PAM: variants seen among roughly 807,000 people sequenced by gnomAD.
PAM encodes the protein peptidylglycine alpha-amidating monooxygenase.
A neutral mutation model predicts 122.1 loss-of-function variants in PAM; 72 were observed. The observed-to-expected ratio is 0.59, with a 90% confidence interval of 0.49 to 0.72. The LOEUF (loss-of-function observed/expected upper bound fraction) is 0.72. Among genes scored for constraint, PAM ranks in the 30% least tolerant of loss-of-function variants. The pLI is 0.00. For missense variants in PAM, 1,106 were observed against 1,183.7 expected (o/e 0.93, Z 0.96); for synonymous variants, 389 against 404.4 (o/e 0.96, Z 0.46).
At chr5:102,977,031 T>C (rs1443466134) in intron 15 of PAM, among the ~76,000 whole-genome samples, 1 of 152,154 alleles carries the variant, frequency 6.6e-6, no homozygotes, top group South Asian at 2.1e-4. Flanking sequence ...TCTAATACAA[T>C]GGTGTTTTCT....
chr5:102,767,295 G>A (rs1305099866), intron 1 of PAM, among the ~76,000 whole-genome samples: 1 of 152,084 alleles, frequency 6.6e-6, no homozygotes, highest in Non-Finnish European at 1.5e-5. Flanking sequence ...AACGGTTGAT[G>A]TTGGAGAATA....
At chr5:102,904,255 G>A (rs1056721294) in intron 4 of PAM, among the ~76,000 whole-genome samples, 3 of 151,366 alleles carry the variant, frequency 2.0e-5, no homozygotes, top group African/African-American at 4.8e-5. Context: ...TACTTTGTTC[G>A]TTCTTTTCTG....
intron 3 of PAM, among the ~76,000 whole-genome samples, chr5:102,899,052 C>G (rs1581475369): frequency 6.7e-6 from 1 of 149,554 alleles, no homozygotes; most frequent in East Asian, 2.1e-4. Context: ...CCCTTCCTTT[C>G]CCTCCCCTCC....
chr5:102,788,034 T>C (rs1761032933), intron 1 of PAM, among the ~76,000 whole-genome samples: 1 of 152,138 alleles, frequency 6.6e-6, no homozygotes, highest in Non-Finnish European at 1.5e-5. Flanking sequence ...GTAAAAATAC[T>C]TGAGGAAAGT....
intron 1 of PAM, among the ~76,000 whole-genome samples, chr5:102,769,865 A>AT (rs1003115271): frequency 2.0e-5 from 3 of 151,584 alleles, no homozygotes; most frequent in South Asian, 2.1e-4. Flanking sequence ...AAATCTTAGG[A>AT]TTTTTTTTCT....
intron 1 of PAM, among the ~76,000 whole-genome samples, chr5:102,803,497 C>T (rs532374273): frequency 1.3e-5 from 2 of 152,192 alleles, no homozygotes; most frequent in South Asian, 4.2e-4. Flanking sequence ...AATGGGAGCA[C>T]ACCTGCTCTC....
intron 1 of PAM, among the ~76,000 whole-genome samples, chr5:102,856,541 A>G (rs1782671029): frequency 6.6e-6 from 1 of 152,166 alleles, no homozygotes; most frequent in Admixed American, 6.5e-5. Flanking sequence ...AATTTGATAC[A>G]TGTGTTAGGA....
chr5:102,959,146 C>G (rs1308526499), intron 12 of PAM, among the ~76,000 whole-genome samples: 2 of 152,060 alleles, frequency 1.3e-5, no homozygotes, highest in Non-Finnish European at 2.9e-5. Flanking sequence ...GTTTTAAAAT[C>G]TATTTTTAAC....
intron 15 of PAM, among the ~76,000 whole-genome samples, chr5:102,976,549 T>TTCTTTA (rs146346928): frequency 0.054 from 8,210 of 152,202 alleles, 724 homozygotes; most frequent in African/African-American, 0.19. Context: ...TTCATACCCT[T>TTCTTTA]CTCCAGGCAA....
intron 7 of PAM, among the ~76,000 whole-genome samples, chr5:102,927,932 G>C (rs1320352766): frequency 6.6e-6 from 1 of 152,116 alleles, no homozygotes; most frequent in African/African-American, 2.4e-5. Context: ...AGTGCTGAGA[G>C]AAGGTTTTGC....
At chr5:102,893,997 A>C (rs1329956975) in intron 3 of PAM, among the ~76,000 whole-genome samples, 1 of 151,548 alleles carries the variant, frequency 6.6e-6, no homozygotes. Flanking sequence ...CCTGTTTCTC[A>C]ATCTGCCCTA....
chr5:102,849,831 T>C (rs1339667818), intron 1 of PAM, among the ~76,000 whole-genome samples: 2 of 152,150 alleles, frequency 1.3e-5, no homozygotes, highest in African/African-American at 4.8e-5. Context: ...TGAATGTCAG[T>C]ACCAGAACAC....
At chr5:103,019,671 A>G in intron 22 of PAM, 119 bp from the exon 23 acceptor site, 1 of 696,744 alleles carries the variant, frequency 1.4e-6, no homozygotes. Flanking sequence ...CTAATATAAT[A>G]ATGCATTTGA....
chr5:102,880,877 C>G (rs894395335), intron 3 of PAM, among the ~76,000 whole-genome samples: 3 of 151,822 alleles, frequency 2.0e-5, no homozygotes, highest in Admixed American at 1.3e-4. Flanking sequence ...TTTGAAATGT[C>G]CTTTAAAATA....
intron 15 of PAM, among the ~76,000 whole-genome samples, chr5:102,976,791 C>A (rs1767821099): frequency 6.6e-6 from 1 of 152,146 alleles, no homozygotes; most frequent in South Asian, 2.1e-4. Flanking sequence ...AGAAGTTAAC[C>A]TGTTTGAATG....
chr5:102,978,746 C>T (rs1444452789), intron 15 of PAM, among the ~76,000 whole-genome samples: 2 of 151,658 alleles, frequency 1.3e-5, no homozygotes, highest in Non-Finnish European at 2.9e-5. Context: ...ATAGTCTTAC[C>T]TCTAGGTTCA....
chr5:102,951,880 C>A, intron 12 of PAM, among the ~76,000 whole-genome samples: 1 of 151,752 alleles, frequency 6.6e-6, no homozygotes, highest in East Asian at 1.9e-4. Flanking sequence ...TTCAGGAAAG[C>A]AATATTATTA....
At chr5:102,911,419 T>A (rs1024757190) in intron 4 of PAM, among the ~76,000 whole-genome samples, 11 of 151,942 alleles carry the variant, frequency 7.2e-5, no homozygotes, top group African/African-American at 2.7e-4. Context: ...GAAGCAAAAA[T>A]TAAACACATA....
At chr5:102,881,129 T>TACACACACACACACACACACACACAC (rs34434423) in intron 3 of PAM, among the ~76,000 whole-genome samples, 6 of 145,710 alleles carry the variant, frequency 4.1e-5, no homozygotes, top group African/African-American at 1.6e-4. Flanking sequence ...TTTTTATACA[T>TACACACACACACACACACACACACAC]ACACACACAC....
Sources: gnomAD v4.1 joint callset for allele counts (sites outside exome capture counted in the v4.1 genomes callset) on GRCh38, gnomAD v4.1.1 for gene constraint, MANE v1.5 for transcripts, NCBI Gene and HGNC (gene_info 2026-07-23, HGNC 2026-07-21) for gene names.